Variants in SACS observed in about 807,000 individuals in gnomAD.
SACS encodes sacsin.
In SACS, 197 loss-of-function variants were observed where a neutral mutation model predicts 348.0. The observed-to-expected ratio is 0.57, with a 90% CI of 0.50 to 0.64. The LOEUF (loss-of-function observed/expected upper bound fraction) is 0.64. Ranked by LOEUF, SACS falls within the 30% of genes least tolerant of loss-of-function variation. The probability of loss-of-function intolerance (pLI) is 0.00; values close to 1 mark genes in which losing one functional copy is unlikely to be tolerated. For missense variants in SACS, 4,999 were observed against 5,360.8 expected (o/e 0.93, Z 2.11); for synonymous variants, 1,985 against 1,910.6 (o/e 1.04, Z -1.02).
chr13:23,390,562 T>A (rs1019945952), intron 2 of SACS, among the ~76,000 whole-genome samples: 4 of 152,098 alleles, frequency 2.6e-5, no homozygotes, highest in African/African-American at 7.2e-5. Context: ...ACACCTATAG[T>A]CTCAGCTACT....
intron 6 of SACS, among the ~76,000 whole-genome samples, chr13:23,358,787 TTTGTTC>T (rs1870551966): frequency 6.6e-6 from 1 of 152,098 alleles, no homozygotes; most frequent in African/African-American, 2.4e-5. Context: ...CTACGTGAAA[TTTGTTC>T]TAAATAGTAT....
intron 2 of SACS, among the ~76,000 whole-genome samples, chr13:23,386,357 C>T (rs1358933558): frequency 6.6e-6 from 1 of 152,240 alleles, no homozygotes; most frequent in African/African-American, 2.4e-5. Context: ...TGCTGCTTCA[C>T]CTTGCACTTT....
At chr13:23,401,983 T>A (rs1446061360) in intron 2 of SACS, among the ~76,000 whole-genome samples, 1 of 152,138 alleles carries the variant, frequency 6.6e-6, no homozygotes, top group Non-Finnish European at 1.5e-5. Context: ...ATTGAGACCA[T>A]CCTGGCTAAC....
chr13:23,369,550 T>C (rs896644443), intron 4 of SACS, among the ~76,000 whole-genome samples: 4 of 148,950 alleles, frequency 2.7e-5, no homozygotes, highest in Non-Finnish European at 6.0e-5. Context: ...CACCCATTCT[T>C]TTTTTTTTTT....
At chr13:23,420,619 C>T (rs1396043073) in intron 1 of SACS, among the ~76,000 whole-genome samples, 1 of 152,142 alleles carries the variant, frequency 6.6e-6, no homozygotes, top group Non-Finnish European at 1.5e-5. Context: ...CAGCTGGGCC[C>T]TGAAGTTCTC....
At chr13:23,375,833 T>C (rs1315126040) in intron 2 of SACS, among the ~76,000 whole-genome samples, 1 of 151,824 alleles carries the variant, frequency 6.6e-6, no homozygotes, top group Non-Finnish European at 1.5e-5. Context: ...AATAAGGGTA[T>C]ACAGAGCGTA....
Position 23,329,851 on chromosome 13 carries a change from C to T in SACS, c.*285G>A. Reference sequence around the variant, plus strand: ...ACATAGACTCTTATCTAACAAACTGCTAAGCTTTGGTTATATAAAGTGCAG... The same window carrying T: ...ACATAGACTCTTATCTAACAAACTGTTAAGCTTTGGTTATATAAAGTGCAG... On this transcript the variant is annotated 3_prime_UTR_variant, in exon 10 of 10. Transcript: ENST00000382292. 1 of 506,016 alleles carries T rather than the reference C, an allele frequency of 2.0e-6. No homozygotes were observed. The highest frequency in any genetic ancestry group is 1.9e-5 in the African/African-American group (1 of 52,150). 31.3% of individuals were successfully genotyped at this position (506,016 alleles called of 1,614,324 possible).
intron 2 of SACS, among the ~76,000 whole-genome samples, chr13:23,402,154 G>C (rs547354660): frequency 6.6e-6 from 1 of 151,198 alleles, no homozygotes; most frequent in East Asian, 1.9e-4. Context: ...CTCCAGCCTG[G>C]GCAAAAGAGC....
chr13:23,355,205 G>A lies in SACS; in HGVS notation c.1407C>T (p.Gly469=). 2 of 1,614,168 alleles carry A rather than the reference G, an allele frequency of 1.2e-6. No homozygotes were observed. The highest frequency in any genetic ancestry group is 4.5e-5 in the East Asian group (2 of 44,882). The change falls in exon 8 of 10, where the codon GGC becomes GGT. Residue 469 remains glycine (G), a synonymous_variant. Coordinates refer to ENST00000382292, the MANE Select transcript of SACS (RefSeq NM_014363.6). ...TTATGCTCCTGCGGTTATCAGTAAG[G>A]CCAAAGAACCCACTGATGTGAACTG... ...GLPVHISGFF[G]LTDNRRSIKW... is the part of the protein sequence containing the mutation.
intron 1 of SACS, among the ~76,000 whole-genome samples, chr13:23,420,316 T>C (rs969270284): frequency 6.6e-6 from 1 of 152,034 alleles, no homozygotes; most frequent in African/African-American, 2.4e-5. Context: ...CCTGGCCTGG[T>C]ATTTTCCTGA....
rs1883615412 is a variant in SACS at position 23,333,361 on chromosome 13, T to G, written c.10515A>C (p.Ser3505=). Residue 3505 remains serine (S), a synonymous_variant, in exon 10 of 10, where the codon TCA becomes TCC. Transcript: ENST00000382292. The stretch of plus-strand genomic sequence containing the variant: ...TAATCTCTGATAATTCCTCAGCACT[T>G]GATAATCTATTCTTAAGGTAGATCA... The part of the protein sequence containing the change: ...EHLIYLKNRL[S]SAEELSEIKE... The G allele has an allele frequency of 6.3e-7, 1 of 1,598,266 alleles. No individual in the cohort carries two copies. The highest frequency in any genetic ancestry group is 1.1e-5 in the South Asian group (1 of 87,068).
chr13:23,385,360 CT>C (rs1056155230), intron 2 of SACS, among the ~76,000 whole-genome samples: 1,818 of 138,206 alleles, frequency 0.013, 21 homozygotes, highest in African/African-American at 0.034. Flanking sequence ...CATGGATGTT[CT>C]TTTTTTTTTT....
At chr13:23,409,157 C>T (rs1261234555) in intron 2 of SACS, among the ~76,000 whole-genome samples, 2 of 140,046 alleles carry the variant, frequency 1.4e-5, no homozygotes, top group Non-Finnish European at 3.1e-5. Flanking sequence ...CCCAGCTTCA[C>T]ACCATTCTCC....
At chr13:23,386,291 T>A (rs189399198) in intron 2 of SACS, among the ~76,000 whole-genome samples, 2 of 152,366 alleles carry the variant, frequency 1.3e-5, no homozygotes, top group Admixed American at 6.5e-5. Context: ...GTCACCTTCA[T>A]CAGTTATGTT....
At chr13:23,422,931 A>G (rs1291336870) in intron 1 of SACS, among the ~76,000 whole-genome samples, 1 of 152,226 alleles carries the variant, frequency 6.6e-6, no homozygotes, top group Non-Finnish European at 1.5e-5. Context: ...GAAAAAAGCT[A>G]TGTGCGAAGA....
intron 9 of SACS, among the ~76,000 whole-genome samples, chr13:23,345,145 G>T (rs1333801388): frequency 6.6e-6 from 1 of 152,166 alleles, no homozygotes; most frequent in East Asian, 1.9e-4. Context: ...CTCTTGTACA[G>T]AAAGAGGCAC....
chr13:23,362,569 T>C (rs1420707311), intron 6 of SACS, among the ~76,000 whole-genome samples: 1 of 150,264 alleles, frequency 6.7e-6, no homozygotes, highest in African/African-American at 2.4e-5. Context: ...CCTGCTTTTA[T>C]ATAATACATT....
intron 6 of SACS, among the ~76,000 whole-genome samples, chr13:23,361,261 G>A (rs1485290044): frequency 1.3e-5 from 2 of 152,142 alleles, no homozygotes; most frequent in South Asian, 2.1e-4. Context: ...AGAAGTCGGG[G>A]GCAGGAAGAA....
chr13:23,386,186 A>G (rs919801593), intron 2 of SACS, among the ~76,000 whole-genome samples: 2 of 152,214 alleles, frequency 1.3e-5, no homozygotes, highest in African/African-American at 4.8e-5. Context: ...GAAGCTAGGC[A>G]TTTATTTTTC....
Sources: gnomAD v4.1 joint callset for allele counts (sites outside exome capture counted in the v4.1 genomes callset) on GRCh38, gnomAD v4.1.1 for gene constraint, MANE v1.5 for transcripts, NCBI Gene and HGNC (gene_info 2026-07-23, HGNC 2026-07-21) for gene names.